Variants in PTPRK observed in about 807,000 individuals in gnomAD.
PTPRK encodes the protein receptor-type tyrosine-protein phosphatase kappa.
Under a neutral mutation model 178.0 loss-of-function variants are expected in PTPRK, and 75 were observed. That is an observed-to-expected ratio of 0.42 (90% confidence interval 0.35 to 0.51). PTPRK has a LOEUF of 0.51. PTPRK is among the 20% of genes least tolerant of loss of function. The pLI is 0.02. For missense variants in PTPRK, 1,441 were observed against 1,797.8 expected, an observed-to-expected ratio of 0.80 and a Z score of 3.59; for synonymous variants, 637 against 620.6, an observed-to-expected ratio of 1.03 and a Z score of -0.39.
In PTPRK at chr6:128,520,312, A is replaced by C; in HGVS notation, c.47T>G (p.Leu16Trp). Residue 16 changes from leucine to tryptophan, a missense_variant, in exon 1 of 30, where the codon TTG (leucine) becomes TGG (tryptophan). Leu to Trp is a moderately conservative substitution (Grantham distance 61). Coordinates refer to ENST00000368226, the MANE Select transcript of PTPRK (RefSeq NM_002844.4). Reference sequence around the variant, plus strand: ...CAGGAGAGGCCAAGGAGAGAGGAGCAAGAGCGCCACAAAAGCAGGCAGCGC... The same window carrying C: ...CAGGAGAGGCCAAGGAGAGAGGAGCCAGAGCGCCACAAAAGCAGGCAGCGC... ...AAALPAFVAL[L>W]LLSPWPLLGS... 6.2e-7 allele frequency: 1 copy of C among 1,610,730 alleles called. No individual in the cohort carries two copies. Among genetic ancestry groups the C allele is most frequent in the Non-Finnish European group, 8.5e-7 (1 of 1,178,518 alleles).
chr6:128,276,041 T>C (rs536388595), intron 3 of PTPRK, among the ~76,000 whole-genome samples: 6 of 152,166 alleles, frequency 3.9e-5, no homozygotes, highest in African/African-American at 1.4e-4. Context: ...AAATTTTAAG[T>C]ATGCACATAA....
intron 14 of PTPRK, chr6:128,006,109 C>A: frequency 7.4e-7 from 1 of 1,348,562 alleles, no homozygotes; most frequent in East Asian, 2.4e-5. Flanking sequence ...GAATGAAAAG[C>A]GTGACTCTGT....
chr6:128,053,177 CACACA>C (rs1447958255), intron 13 of PTPRK, among the ~76,000 whole-genome samples: 50 of 151,522 alleles, frequency 3.3e-4, no homozygotes, highest in African/African-American at 9.0e-4. Context: ...CACACACACA[CACACA>C]CCCCTATACA....
chr6:128,307,190 TACAC>T (rs377120617), intron 3 of PTPRK, among the ~76,000 whole-genome samples: 1 of 146,706 alleles, frequency 6.8e-6, no homozygotes, highest in Non-Finnish European at 1.5e-5. Flanking sequence ...GATATATACA[TACAC>T]ACACACACAC....
intron 2 of PTPRK, among the ~76,000 whole-genome samples, chr6:128,376,530 T>C (rs112147663): frequency 0.024 from 3,722 of 152,254 alleles, 143 homozygotes; most frequent in African/African-American, 0.084. Flanking sequence ...GAGGGGCTGT[T>C]GTGAAGACAT....
At chr6:128,260,870 T>G (rs1818076602) in intron 3 of PTPRK, among the ~76,000 whole-genome samples, 1 of 152,188 alleles carries the variant, frequency 6.6e-6, no homozygotes, top group Non-Finnish European at 1.5e-5. Flanking sequence ...AAATACTGCT[T>G]TAGCAAGCTT....
chr6:128,073,186 C>G (rs555634247), intron 11 of PTPRK, among the ~76,000 whole-genome samples: 54 of 151,950 alleles, frequency 3.6e-4, no homozygotes, highest in Admixed American at 1.8e-3. Context: ...ATTTGTTCAC[C>G]AAATATTTAT....
intron 2 of PTPRK, among the ~76,000 whole-genome samples, chr6:128,363,525 G>T (rs1835058402): frequency 6.6e-6 from 1 of 152,044 alleles, no homozygotes; most frequent in Admixed American, 6.6e-5. Flanking sequence ...TCATATCAAT[G>T]GTCTGTTCTA....
rs564891807 is a variant in PTPRK at position 128,298,034 on chromosome 6, T to C, written c.495+24005A>G. On this transcript the variant is annotated intron_variant, in intron 3 of 29. Transcript: ENST00000368226. The stretch of plus-strand genomic sequence containing the variant: ...ATCATATAGATGCAATAAAAAATGA[T>C]AAAGGGGATATCACCTCTTTATCGA... Among the ~76,000 whole-genome samples, 1,481 of 152,020 alleles carry C rather than the reference T, an allele frequency of 9.7e-3. 26 individuals are homozygous for C. The highest frequency in any genetic ancestry group is 0.034 in the African/African-American group (1,403 of 41,362).
At chr6:128,405,003 T>C (rs1325623530) in intron 1 of PTPRK, among the ~76,000 whole-genome samples, 1 of 152,102 alleles carries the variant, frequency 6.6e-6, no homozygotes, top group African/African-American at 2.4e-5. Flanking sequence ...ATTCCATCCA[T>C]TTGGTAGCAT....
At chr6:128,332,691 TA>T (rs1316106091) in intron 2 of PTPRK, among the ~76,000 whole-genome samples, 1 of 152,188 alleles carries the variant, frequency 6.6e-6, no homozygotes, top group Non-Finnish European at 1.5e-5. Flanking sequence ...TTAACCTTCA[TA>T]ACCTTTCTTA....
In PTPRK at chr6:128,264,672, A is replaced by G. The variant is rs368911330; in HGVS notation, c.496-22070T>C. ...CCTGGCTCACAGAGTATATTCATGAACATTACTTCATTTGATCCCCATAAA... is the reference window on the plus strand; with the variant it reads ...CCTGGCTCACAGAGTATATTCATGAGCATTACTTCATTTGATCCCCATAAA... On this transcript the variant is annotated intron_variant, in intron 3 of 29. Coordinates refer to ENST00000368226, the MANE Select transcript of PTPRK (RefSeq NM_002844.4). 5.9e-5 allele frequency among the ~76,000 whole-genome samples: 9 copies of G among 152,166 alleles called. 1 individual carries two copies. The East Asian group carries it at 1.6e-3, about 26-fold the overall frequency.
At chr6:128,356,057 G>C (rs879462288) in intron 2 of PTPRK, among the ~76,000 whole-genome samples, 4 of 152,134 alleles carry the variant, frequency 2.6e-5, no homozygotes, top group Non-Finnish European at 5.9e-5. Flanking sequence ...TAGTCAAATA[G>C]AGAAATGCCT....
chr6:128,194,332 C>T (rs1804497707), intron 6 of PTPRK, among the ~76,000 whole-genome samples: 1 of 151,888 alleles, frequency 6.6e-6, no homozygotes, highest in Non-Finnish European at 1.5e-5. Context: ...GTGATCCACC[C>T]GCCTCAGCCT....
chr6:128,072,332 A>T (rs1423645303), intron 11 of PTPRK, among the ~76,000 whole-genome samples: 1 of 152,002 alleles, frequency 6.6e-6, no homozygotes, highest in East Asian at 1.9e-4. Flanking sequence ...ACCCATTACA[A>T]GTTGAAAATA....
chr6:128,422,216 C>CACATGCAT (rs1201404282), intron 1 of PTPRK, among the ~76,000 whole-genome samples: 1 of 152,098 alleles, frequency 6.6e-6, no homozygotes, highest in African/African-American at 2.4e-5. Flanking sequence ...TGCATGTGTG[C>CACATGCAT]ACATGCATGG....
chr6:128,059,954 T>C (rs566184388), intron 13 of PTPRK, among the ~76,000 whole-genome samples: 1 of 152,270 alleles, frequency 6.6e-6, no homozygotes, highest in East Asian at 1.9e-4. Flanking sequence ...ATGAAAACAG[T>C]GATCATGCAC....
intron 1 of PTPRK, among the ~76,000 whole-genome samples, chr6:128,495,816 T>G (rs1165717074): frequency 6.6e-6 from 1 of 152,328 alleles, no homozygotes; most frequent in Non-Finnish European, 1.5e-5. Context: ...CAGACTCTCC[T>G]TCACGCCTCT....
At chr6:128,121,058 T>A (rs1792377809) in intron 7 of PTPRK, among the ~76,000 whole-genome samples, 1 of 148,858 alleles carries the variant, frequency 6.7e-6, no homozygotes, top group Non-Finnish European at 1.5e-5. Flanking sequence ...CAGCAATAAA[T>A]AAGAGTTGAG....
Sources: gnomAD v4.1 joint callset for allele counts (sites outside exome capture counted in the v4.1 genomes callset) on GRCh38, gnomAD v4.1.1 for gene constraint, MANE v1.5 for transcripts, NCBI Gene and HGNC (gene_info 2026-07-23, HGNC 2026-07-21) for gene names.